Variants in NSL1 observed in about 807,000 individuals in gnomAD.
The protein encoded by NSL1 is NSL1 component of MIS12 kinetochore complex.
In NSL1, 11 loss-of-function variants were observed where a neutral mutation model predicts 25.4. That is an observed-to-expected ratio of 0.43 (90% CI 0.27 to 0.72). The LOEUF (loss-of-function observed/expected upper bound fraction) is 0.72, where lower values mean the gene tolerates loss of function less well. NSL1 is among the 30% of genes least tolerant of loss of function. The probability of loss-of-function intolerance (pLI) is 0.19; values close to 1 mark genes in which losing one functional copy is unlikely to be tolerated. For missense variants in NSL1, 330 were observed against 342.7 expected (o/e 0.96, Z 0.29); for synonymous variants, 118 against 120.6 (o/e 0.98, Z 0.14).
chr1:212,785,586 C>A (rs533177869), intron 2 of NSL1, among the ~76,000 whole-genome samples: 2 of 151,918 alleles, frequency 1.3e-5, no homozygotes, highest in Non-Finnish European at 2.9e-5. Context: ...TGAGAACATG[C>A]GGTGTTTGGT....
chr1:212,727,907 G>C lies in NSL1; in HGVS notation c.*10501C>G, dbSNP rs1657852056. The C allele has an allele frequency of 2.0e-6, 2 of 985,322 alleles. No homozygotes were observed. The highest frequency in any genetic ancestry group is 6.1e-5 in the Admixed American group (1 of 16,266). The allele number at this position is 985,322 out of a possible 1,614,324, so 61.0% of individuals were successfully genotyped here. On this transcript the variant is annotated 3_prime_UTR_variant, in exon 6 of 6. Transcript: ENST00000366977. The stretch of plus-strand genomic sequence containing the variant: ...TTGCTATGTGTCATTGAAAAAAAAT[G>C]AGAAGAACCAACGAGGTCGCTGTGG...
At chr1:212,779,052 C>T (rs1267016969) in intron 4 of NSL1, among the ~76,000 whole-genome samples, 4 of 143,230 alleles carry the variant, frequency 2.8e-5, no homozygotes, top group Non-Finnish European at 6.1e-5. Flanking sequence ...TGCCCGGCCA[C>T]GACCCCATCT....
chr1:212,730,746 A>G lies in NSL1; in HGVS notation c.*7662T>C, dbSNP rs1008567768. ...TGGGAATTAGACTTAGTTCTAGTAG[A>G]CGTAGTTCTAGTAGACAGGAGACTC... On this transcript the variant is annotated 3_prime_UTR_variant, in exon 6 of 6. Transcript: ENST00000366977. 1 of 985,240 alleles carries G rather than the reference A, an allele frequency of 1.0e-6. No individual in the cohort carries two copies. Among genetic ancestry groups the G allele is most frequent in the Admixed American group, 6.2e-5 (1 of 16,246 alleles). 61.0% of individuals were successfully genotyped at this position (985,240 alleles called of 1,614,324 possible).
In NSL1 at chr1:212,732,737, T is replaced by C; in HGVS notation, c.*5671A>G. On this transcript the variant is annotated 3_prime_UTR_variant, in exon 6 of 6. Coordinates refer to ENST00000366977, the MANE Select transcript of NSL1 (RefSeq NM_015471.4). ...TGCTTTTTTGGTTTACCCTTTGGAATAGAGCACAGCCCCTGGTAGAACCCC... is the reference window on the plus strand; with the variant it reads ...TGCTTTTTTGGTTTACCCTTTGGAACAGAGCACAGCCCCTGGTAGAACCCC... 3 of 783,374 alleles carry C rather than the reference T, an allele frequency of 3.8e-6. No homozygotes were observed. The highest frequency in any genetic ancestry group is 4.6e-6 in the Non-Finnish European group (3 of 645,248). 48.5% of individuals were successfully genotyped at this position (783,374 alleles called of 1,614,324 possible). A position where few individuals can be genotyped will look rare whatever the true frequency, so the allele number is the denominator to read the frequency against.
chr1:212,782,307 T>C, intron 4 of NSL1, 65 bp downstream of exon 4: 2 of 1,114,510 alleles, frequency 1.8e-6, no homozygotes, highest in Non-Finnish European at 2.8e-6. Context: ...TTTAGAAGAA[T>C]ATCAGAAACC....
At position 212,738,517 on chromosome 1, in the gene NSL1, GTC is replaced by G; in HGVS notation, c.735_736del (p.Glu245AspfsTer8). 6.2e-7 allele frequency: 1 copy of G among 1,614,142 alleles called. No individual in the cohort carries two copies. The highest frequency in any genetic ancestry group is 8.5e-7 in the Non-Finnish European group (1 of 1,180,018). On this transcript the variant is annotated frameshift_variant, in exon 6 of 6. Coordinates refer to ENST00000366977, the MANE Select transcript of NSL1 (RefSeq NM_015471.4). LOFTEE classifies it low-confidence loss of function (END_TRUNC). ...CATGTCAGAGGTTTTCCTGGAAGCA[GTC>G]TCTGTTGGTGTGGTTTCTATCTGTG... is the stretch of plus-strand genomic sequence containing the variant.
At chr1:212,778,881 C>T (rs1306789827) in intron 4 of NSL1, among the ~76,000 whole-genome samples, 2 of 150,616 alleles carry the variant, frequency 1.3e-5, no homozygotes, top group African/African-American at 4.9e-5. Flanking sequence ...TGTGAGGAGC[C>T]CCTCTGCCCG....
intron 3 of NSL1, chr1:212,784,058 C>T (rs1558065130): frequency 1.1e-5 from 2 of 174,506 alleles, no homozygotes; most frequent in African/African-American, 4.7e-5. Flanking sequence ...GCTTCTTTTT[C>T]CATCCTTGTC....
intron 4 of NSL1, among the ~76,000 whole-genome samples, chr1:212,778,401 C>G (rs1251876920): frequency 1.4e-5 from 2 of 145,328 alleles, no homozygotes. Flanking sequence ...TTCGCTCTCT[C>G]CTCTCTCCTC....
chr1:212,766,324 C>CTGGAAG (rs1659816177), intron 4 of NSL1: 1 of 515,524 alleles, frequency 1.9e-6, no homozygotes, highest in East Asian at 3.2e-5. Context: ...CAACATAGTA[C>CTGGAAG]TCAGCCAGAG....
intron 4 of NSL1, among the ~76,000 whole-genome samples, chr1:212,743,313 C>T (rs1055242550): frequency 2.0e-5 from 3 of 152,092 alleles, no homozygotes; most frequent in African/African-American, 7.2e-5. Flanking sequence ...TACAGGCATG[C>T]ACCACCATGC....
At chr1:212,750,517 A>G (rs1375442631) in intron 4 of NSL1, among the ~76,000 whole-genome samples, 1 of 152,224 alleles carries the variant, frequency 6.6e-6, no homozygotes, top group Non-Finnish European at 1.5e-5. Flanking sequence ...ATAGGAGGAC[A>G]GAAGGTTCCC....
At chr1:212,785,655 C>T (rs1660910833) in intron 2 of NSL1, among the ~76,000 whole-genome samples, 2 of 151,934 alleles carry the variant, frequency 1.3e-5, no homozygotes, top group Admixed American at 6.6e-5. Context: ...AAATGAAGCA[C>T]CCTAGATGAA....
rs1405073182 is a variant in NSL1, at chr1:212,745,169, T to A, written c.500-5568A>T. The stretch of plus-strand genomic sequence containing the variant: ...CAAACAAACAAACAAACTATATATA[T>A]ATATATATATATATATATATATATA... On this transcript the variant is annotated intron_variant, in intron 4 of 5. Coordinates refer to ENST00000366977, the MANE Select transcript of NSL1 (RefSeq NM_015471.4). Among the ~76,000 whole-genome samples the A allele has an allele frequency of 7.9e-3, 183 of 23,126 alleles. 1 individual carries two copies. The highest frequency in any genetic ancestry group is 0.045 in the Middle Eastern group (2 of 44). The allele number at this position is 23,126 out of a possible 152,430, so 15.2% of individuals were successfully genotyped here. A position where few individuals can be genotyped will look rare whatever the true frequency, so the allele number is the denominator to read the frequency against.
chr1:212,771,774 AT>A (rs1158341018), intron 4 of NSL1, among the ~76,000 whole-genome samples: 8 of 152,120 alleles, frequency 5.3e-5, no homozygotes, highest in African/African-American at 1.9e-4. Flanking sequence ...TATAAAAAAA[AT>A]AAAATATCTG....
Position 212,737,846 on chromosome 1 carries a change from T to C in NSL1, c.*562A>G. On this transcript the variant is annotated 3_prime_UTR_variant, in exon 6 of 6. Coordinates refer to ENST00000366977, the MANE Select transcript of NSL1 (RefSeq NM_015471.4). Reference sequence around the variant, plus strand: ...ACACAACAAAAAATCCTAAAGTTAATCTCACAAACCTAAATTAGCTGAACA... The same window carrying C: ...ACACAACAAAAAATCCTAAAGTTAACCTCACAAACCTAAATTAGCTGAACA... 2 of 985,234 alleles carry C rather than the reference T, an allele frequency of 2.0e-6. No individual in the cohort carries two copies. The highest frequency in any genetic ancestry group is 1.1e-4 in the East Asian group (1 of 8,814). The allele number at this position is 985,234 out of a possible 1,614,324, so 61.0% of individuals were successfully genotyped here. A position where few individuals can be genotyped will look rare whatever the true frequency, so the allele number is the denominator to read the frequency against.
rs1442399797 is a variant in NSL1 at position 212,738,470 on chromosome 1, T to C, written c.784A>G (p.Lys262Glu). 1 of 1,614,120 alleles carries C rather than the reference T, an allele frequency of 6.2e-7. No individual in the cohort carries two copies. Among genetic ancestry groups the C allele is most frequent in the Non-Finnish European group, 8.5e-7 (1 of 1,179,994 alleles). ...TACCATTTTCTCTGGGGGCAGTCTT[T>C]AGTTTGCTTTCTTTTCAGTACCATG... ...SDMVLKRKQT[K>E]DCPQRKWYPL... Residue 262 changes from lysine to glutamate, a missense_variant, in exon 6 of 6, where the codon AAA (lysine) becomes GAA (glutamate). By Grantham distance (56) the Lys-to-Glu change is moderately conservative. Transcript: ENST00000366977.
Position 212,730,258 on chromosome 1 carries a change from A to AAG in NSL1, c.*8149_*8150insCT. 1.0e-6 allele frequency: 1 copy of AAG among 982,358 alleles called. No homozygotes were observed. The highest frequency in any genetic ancestry group is 4.7e-5 in the South Asian group (1 of 21,184). 60.9% of individuals were successfully genotyped at this position (982,358 alleles called of 1,614,324 possible). ...GTCTCAAAAAAAAAAAAAAAAAAAA[A>AAG]AAAAAAAGAAATGCGCCAAGTCTCA... On this transcript the variant is annotated 3_prime_UTR_variant, in exon 6 of 6. Transcript: ENST00000366977.
rs1346803166 is a variant in NSL1 at position 212,727,568 on chromosome 1, C to T, written c.*10840G>A. The T allele has an allele frequency of 1.0e-6, 1 of 985,274 alleles. No homozygotes were observed. The highest frequency in any genetic ancestry group is 1.2e-6 in the Non-Finnish European group (1 of 829,906). The allele number at this position is 985,274 out of a possible 1,614,324, so 61.0% of individuals were successfully genotyped here. On this transcript the variant is annotated 3_prime_UTR_variant, in exon 6 of 6. Coordinates refer to ENST00000366977, the MANE Select transcript of NSL1 (RefSeq NM_015471.4). ...AATTAGACGTGTGCCACATACTTCT[C>T]TCAAAAACTTTATGACTCAGTTGTC...
Sources: allele counts gnomAD v4.1 joint callset (sites outside exome capture counted in the v4.1 genomes callset), GRCh38; gene constraint gnomAD v4.1.1; transcripts MANE v1.5; gene names NCBI Gene and HGNC (gene_info 2026-07-23, HGNC 2026-07-21).